The following RHEB variants were observed in gnomAD, a reference collection of about 807,000 sequenced individuals.
The protein encoded by RHEB is Ras homolog, mTORC1 binding, also known as GTP-binding protein Rheb.
In RHEB, 2 loss-of-function variants were observed where a neutral mutation model predicts 28.8. The observed-to-expected ratio is 0.07, with a 90% CI of 0.03 to 0.22. RHEB has a LOEUF of 0.22. RHEB is among the 10% of genes least tolerant of loss of function. RHEB has a pLI of 1.00. For missense variants in RHEB, 76 were observed against 219.9 expected, an observed-to-expected ratio of 0.35 and a Z score of 4.14; for synonymous variants, 69 against 77.3, an observed-to-expected ratio of 0.89 and a Z score of 0.56.
chr7:151,479,731 G>C (rs1802348864), intron 3 of RHEB, among the ~76,000 whole-genome samples: 1 of 148,044 alleles, frequency 6.8e-6, no homozygotes, highest in African/African-American at 2.5e-5. Context: ...ATGTGAAAAA[G>C]TTCTTCATGG....
intron 1 of RHEB, among the ~76,000 whole-genome samples, chr7:151,492,280 G>A (rs1802596421): frequency 6.6e-6 from 1 of 152,052 alleles, no homozygotes; most frequent in African/African-American, 2.4e-5. Context: ...CACACCAAAG[G>A]CATTCCTTAA....
chr7:151,494,101 G>C (rs945400104), intron 1 of RHEB, among the ~76,000 whole-genome samples: 2 of 152,076 alleles, frequency 1.3e-5, no homozygotes, highest in Non-Finnish European at 2.9e-5. Context: ...GAAAGAAAGC[G>C]ATCATTTTCT....
intron 4 of RHEB, among the ~76,000 whole-genome samples, chr7:151,473,659 C>T (rs1019925869): frequency 6.6e-6 from 1 of 152,200 alleles, no homozygotes; most frequent in Non-Finnish European, 1.5e-5. Flanking sequence ...TCTTCTCATA[C>T]TCCCTCATGT....
intron 2 of RHEB, among the ~76,000 whole-genome samples, chr7:151,490,577 C>T (rs568927739): frequency 4.2e-4 from 64 of 152,184 alleles, no homozygotes; most frequent in African/African-American, 1.3e-3. Context: ...ACAGGGATCT[C>T]GAGTGTTTTT....
intron 1 of RHEB, chr7:151,501,928 C>G: frequency 1.4e-6 from 1 of 720,306 alleles, no homozygotes; most frequent in Non-Finnish European, 2.5e-6. Flanking sequence ...TCTGGAAGAT[C>G]AAGAAGCTCA....
At chr7:151,484,519 T>C (rs1802433374) in intron 3 of RHEB, among the ~76,000 whole-genome samples, 1 of 152,148 alleles carries the variant, frequency 6.6e-6, no homozygotes, top group Non-Finnish European at 1.5e-5. Flanking sequence ...ACCAAAAATA[T>C]CATGAGTTGA....
rs183281248 is a variant in RHEB, at chr7:151,472,779, T to A, written c.276-1174A>T. ...CTTCAGAATAAGTTAGCTTGTTGAA[T>A]GAATTACACACTGTGCTATTTTAAA... On this transcript the variant is annotated intron_variant, in intron 4 of 7. Transcript: ENST00000262187. This position sits in a 1 kb window ranked among gnomAD's most constrained non-coding sequence, Gnocchi z 5.2. Among the ~76,000 whole-genome samples the A allele has an allele frequency of 8.4e-4, 128 of 152,356 alleles. 1 individual carries two copies. Among genetic ancestry groups the A allele is most frequent in the Non-Finnish European group, 6.2e-4 (42 of 68,036 alleles).
At chr7:151,496,936 C>A (rs1802683234) in intron 1 of RHEB, among the ~76,000 whole-genome samples, 1 of 150,688 alleles carries the variant, frequency 6.6e-6, no homozygotes, top group South Asian at 2.1e-4. Context: ...CCGACCACCA[C>A]ACTCGGCTAT....
intron 1 of RHEB, among the ~76,000 whole-genome samples, chr7:151,499,457 G>A (rs1802732292): frequency 1.3e-5 from 2 of 152,208 alleles, no homozygotes; most frequent in Admixed American, 6.5e-5. Context: ...TCATGACTGT[G>A]GTGTGAATCC....
chr7:151,498,200 T>C, intron 1 of RHEB: 4 of 1,258,036 alleles, frequency 3.2e-6, no homozygotes, highest in South Asian at 1.2e-5. Flanking sequence ...AAAGGTCAGG[T>C]AAATAGAGTT....
chr7:151,515,178 A>C (rs1033095179), intron 1 of RHEB, among the ~76,000 whole-genome samples: 3 of 152,232 alleles, frequency 2.0e-5, no homozygotes, highest in African/African-American at 7.2e-5. Flanking sequence ...AACAGGAAGA[A>C]GCGACATATG....
intron 3 of RHEB, among the ~76,000 whole-genome samples, chr7:151,483,545 C>T (rs1802414969): frequency 6.6e-6 from 1 of 152,146 alleles, no homozygotes; most frequent in Non-Finnish European, 1.5e-5. Context: ...ATGGCGAAAC[C>T]CCGCCTCTAC....
At chr7:151,511,180 G>T (rs1183017403) in intron 1 of RHEB, among the ~76,000 whole-genome samples, 1 of 152,082 alleles carries the variant, frequency 6.6e-6, no homozygotes, top group African/African-American at 2.4e-5. Context: ...TCATAAAACT[G>T]TATTAACTGT....
Position 151,470,562 on chromosome 7 carries a change from A to G in RHEB, c.462+9T>C. The G allele has an allele frequency of 6.3e-7, 1 of 1,594,822 alleles. No individual in the cohort carries two copies. Among genetic ancestry groups the G allele is most frequent in the Non-Finnish European group, 8.6e-7 (1 of 1,163,010 alleles). ...CGCAATGCAAAATGAGGTTTATAGA[A>G]TCTGTTACCTGATTTTCTTTAGCAG... On this transcript the variant is annotated intron_variant, in intron 7 of 7. Coordinates refer to ENST00000262187, the MANE Select transcript of RHEB (RefSeq NM_005614.4).
chr7:151,501,727 A>G (rs1038025689), intron 1 of RHEB, among the ~76,000 whole-genome samples: 1 of 152,252 alleles, frequency 6.6e-6, no homozygotes, highest in African/African-American at 2.4e-5. Flanking sequence ...CCCATCCCGC[A>G]GCCTTGTGCT....
At chr7:151,493,750 A>C (rs1802626734) in intron 1 of RHEB, among the ~76,000 whole-genome samples, 1 of 152,242 alleles carries the variant, frequency 6.6e-6, no homozygotes, top group Non-Finnish European at 1.5e-5. Context: ...ATTTAAAATG[A>C]ATTGTGTTGA....
At position 151,498,137 on chromosome 7, in the gene RHEB, A is replaced by AC. The variant is rs368375501; in HGVS notation, c.53-7124_53-7123insG. On this transcript the variant is annotated intron_variant, in intron 1 of 7. Coordinates refer to ENST00000262187, the MANE Select transcript of RHEB (RefSeq NM_005614.4). ...ATGCACCTGTGCGCCCTGCAGAACTATAACACCACTCACAACAGGTGCGTA... is the reference window on the plus strand; with the variant it reads ...ATGCACCTGTGCGCCCTGCAGAACTACTAACACCACTCACAACAGGTGCGTA... 3.5e-4 allele frequency: 452 copies of AC among 1,289,662 alleles called. 2 individuals carry two copies. In the African/African-American group the frequency reaches 5.8e-3, roughly 16 times the overall value. 79.9% of individuals were successfully genotyped at this position (1,289,662 alleles called of 1,614,324 possible). A position where few individuals can be genotyped will look rare whatever the true frequency, so the allele number is the denominator to read the frequency against.
intron 4 of RHEB, among the ~76,000 whole-genome samples, chr7:151,474,019 T>C (rs1157852730): frequency 2.0e-5 from 3 of 152,204 alleles, no homozygotes; most frequent in Non-Finnish European, 4.4e-5. Context: ...GGACAAATCG[T>C]GGATGTAGTC....
chr7:151,511,026 C>T (rs1014682287), intron 1 of RHEB, among the ~76,000 whole-genome samples: 24 of 151,768 alleles, frequency 1.6e-4, no homozygotes, highest in African/African-American at 5.8e-4. Flanking sequence ...TGCAGTGTGC[C>T]GAGATCGCGA....
Sources: gnomAD v4.1 joint callset for allele counts (sites outside exome capture counted in the v4.1 genomes callset) on GRCh38, gnomAD v4.1.1 for gene constraint, Gnocchi (gnomAD v3.1) non-coding constraint, MANE v1.5 for transcripts, NCBI Gene and HGNC (gene_info 2026-07-23, HGNC 2026-07-21) for gene names.